PACSIN1: variants seen among roughly 807,000 people sequenced by gnomAD.
The protein encoded by PACSIN1 is protein kinase C and casein kinase substrate in neurons 1, also known as protein kinase C and casein kinase substrate in neurons protein 1.
PACSIN1 carries 15 observed loss-of-function variants against 59.5 expected under a neutral mutation model. The ratio of observed to expected loss-of-function variants is 0.25; its 90% CI spans 0.17 to 0.39. The LOEUF (loss-of-function observed/expected upper bound fraction) is 0.39. Among genes scored for constraint, PACSIN1 ranks in the 10% least tolerant of loss-of-function variants. The pLI, the probability that PACSIN1 is intolerant of heterozygous loss-of-function variation, is 1.00. For synonymous variants in PACSIN1, 210 were observed against 220.6 expected, an observed-to-expected ratio of 0.95 and a Z score of 0.42; for missense variants, 420 against 580.2, an observed-to-expected ratio of 0.72 and a Z score of 2.84.
At chr6:34,492,251 G>T (rs1766889034) in intron 1 of PACSIN1, among the ~76,000 whole-genome samples, 1 of 144,552 alleles carries the variant, frequency 6.9e-6, no homozygotes, top group Non-Finnish European at 1.5e-5. Context: ...GCCCAGGCTG[G>T]AGTGCAGTGA....
chr6:34,471,008 C>T (rs939558278), intron 1 of PACSIN1, among the ~76,000 whole-genome samples: 6 of 152,056 alleles, frequency 3.9e-5, no homozygotes, highest in Non-Finnish European at 8.8e-5. Context: ...TGCAAGGCTG[C>T]GATCTAGGCT....
intron 1 of PACSIN1, among the ~76,000 whole-genome samples, chr6:34,469,079 G>A (rs1766536145): frequency 6.6e-6 from 1 of 151,902 alleles, no homozygotes; most frequent in Admixed American, 6.6e-5. Context: ...AGGTCTGGAA[G>A]GACAGAAGGG....
intron 1 of PACSIN1, among the ~76,000 whole-genome samples, chr6:34,520,926 C>T (rs528402082): frequency 1.1e-3 from 165 of 152,188 alleles, no homozygotes; most frequent in African/African-American, 3.6e-3. Context: ...ATTGGCTGGG[C>T]GCCCACTGTG....
At chr6:34,492,233 A>C (rs1581965545) in intron 1 of PACSIN1, among the ~76,000 whole-genome samples, 2 of 105,366 alleles carry the variant, frequency 1.9e-5, no homozygotes, top group Admixed American at 1.4e-4. Context: ...GCAAAATCTC[A>C]CTCTGTTGCC....
intron 1 of PACSIN1, among the ~76,000 whole-genome samples, chr6:34,477,013 C>T (rs529387106): frequency 6.6e-6 from 1 of 152,338 alleles, no homozygotes; most frequent in South Asian, 2.1e-4. Context: ...CTAGGACCCC[C>T]TCGTTCCCTG....
At chr6:34,506,689 G>A (rs1372463903) in intron 1 of PACSIN1, among the ~76,000 whole-genome samples, 1 of 152,180 alleles carries the variant, frequency 6.6e-6, no homozygotes, top group Middle Eastern at 3.2e-3. Context: ...GTGGGGGTCA[G>A]GGGTGCCTCC....
In PACSIN1 at chr6:34,525,779, C is replaced by G. The variant is rs1333186329; in HGVS notation, c.-63-464C>G. ...CCACCCCAGACGCTCCCATAGATCT[C>G]GGTGGTGTGACCTGTGGGCCAGGAC... On this transcript the variant is annotated intron_variant, in intron 1 of 9. Transcript: ENST00000244458. This position sits in a 1 kb window ranked among gnomAD's most constrained non-coding sequence, Gnocchi z 4.9. Among the ~76,000 whole-genome samples the G allele has an allele frequency of 2.6e-5, 4 of 152,148 alleles. No homozygotes were observed. The highest frequency in any genetic ancestry group is 5.9e-5 in the Non-Finnish European group (4 of 68,020).
rs948575236 is a variant in PACSIN1 at position 34,525,126 on chromosome 6, C to A, written c.-63-1117C>A. On this transcript the variant is annotated intron_variant, in intron 1 of 9. Transcript: ENST00000244458. The surrounding 1 kb of genome is among the most constrained non-coding windows in gnomAD (Gnocchi z 4.9). ...AGAAAAGAAAAATTCAGACTCATTT[C>A]TTTGTCCCTTGATGAAATCCAGCCG... 8.5e-5 allele frequency among the ~76,000 whole-genome samples: 13 copies of A among 152,244 alleles called. No homozygotes were observed. Among genetic ancestry groups the A allele is most frequent in the South Asian group, 2.1e-4 (1 of 4,836 alleles).
At chr6:34,510,746 G>A (rs555176666) in intron 1 of PACSIN1, among the ~76,000 whole-genome samples, 23 of 152,152 alleles carry the variant, frequency 1.5e-4, no homozygotes, top group South Asian at 4.2e-4. Context: ...ACAGAGTCTC[G>A]CTCTCACCTA....
At chr6:34,501,639 C>T (rs1262463447) in intron 1 of PACSIN1, among the ~76,000 whole-genome samples, 1 of 152,154 alleles carries the variant, frequency 6.6e-6, no homozygotes, top group African/African-American at 2.4e-5. Context: ...TTAAAAGTCT[C>T]TTTGATGGTG....
intron 1 of PACSIN1, among the ~76,000 whole-genome samples, chr6:34,490,226 C>CTTTTTT (rs56754772): frequency 5.8e-5 from 6 of 102,710 alleles, no homozygotes; most frequent in African/African-American, 2.1e-4. Flanking sequence ...AATTTAAAAA[C>CTTTTTT]TTTTTTTTTT....
At chr6:34,475,688 C>T (rs4711393) in intron 1 of PACSIN1, among the ~76,000 whole-genome samples, 151,936 of 152,314 alleles carry the variant, frequency 1, 75,782 homozygotes, top group Middle Eastern at 1. Context: ...CTGTGAGCTG[C>T]TAGCAGCCAG....
chr6:34,526,500 G>T, intron 2 of PACSIN1, 132 bp downstream of exon 2: 1 of 683,374 alleles, frequency 1.5e-6, no homozygotes, highest in Admixed American at 2.6e-5. Flanking sequence ...AGCCCTGGGT[G>T]TCCAACAGGC....
intron 1 of PACSIN1, among the ~76,000 whole-genome samples, chr6:34,513,041 A>T (rs891253812): frequency 2.0e-5 from 3 of 152,104 alleles, no homozygotes; most frequent in Non-Finnish European, 4.4e-5. Flanking sequence ...CCACTAGCTC[A>T]TCATCTCCTC....
At chr6:34,475,061 C>T (rs1257401039) in intron 1 of PACSIN1, among the ~76,000 whole-genome samples, 3 of 152,188 alleles carry the variant, frequency 2.0e-5, no homozygotes, top group Non-Finnish European at 2.9e-5. Flanking sequence ...TTATCAAAAA[C>T]AGCCCTCGTT....
intron 1 of PACSIN1, among the ~76,000 whole-genome samples, chr6:34,482,899 C>A (rs1322016257): frequency 6.6e-6 from 1 of 151,618 alleles, no homozygotes. Flanking sequence ...GTTGGCCAGG[C>A]TGGTCTTGAA....
At chr6:34,486,339 C>T (rs982490578) in intron 1 of PACSIN1, among the ~76,000 whole-genome samples, 2 of 152,108 alleles carry the variant, frequency 1.3e-5, no homozygotes, top group Admixed American at 1.3e-4. Context: ...GTGGTTCTCA[C>T]AGCCATGGGG....
At chr6:34,508,899 T>C (rs1554169473) in intron 1 of PACSIN1, among the ~76,000 whole-genome samples, 1 of 152,242 alleles carries the variant, frequency 6.6e-6, no homozygotes, top group Non-Finnish European at 1.5e-5. Flanking sequence ...GAGTTTCTTA[T>C]GTATTTTGGA....
rs1276068027 is a variant in PACSIN1 at position 34,518,316 on chromosome 6, G to A, written c.-63-7927G>A. Among the ~76,000 whole-genome samples, 4 of 152,234 alleles carry A rather than the reference G, an allele frequency of 2.6e-5. No individual in the cohort carries two copies. The highest frequency in any genetic ancestry group is 4.4e-5 in the Non-Finnish European group (3 of 68,034). Reference sequence around the variant, plus strand: ...GAGGCAGCCTGGCCCCTGCTCTCCAGGTGGCCACAGAGGCAGTGGGCTCAG... The same window carrying A: ...GAGGCAGCCTGGCCCCTGCTCTCCAAGTGGCCACAGAGGCAGTGGGCTCAG... On this transcript the variant is annotated intron_variant, in intron 1 of 9. Coordinates refer to ENST00000244458, the MANE Select transcript of PACSIN1 (RefSeq NM_020804.5). The surrounding 1 kb of genome is among the most constrained non-coding windows in gnomAD (Gnocchi z 4.4).
Sources: gnomAD v4.1 joint callset for allele counts (sites outside exome capture counted in the v4.1 genomes callset) on GRCh38, gnomAD v4.1.1 for gene constraint, Gnocchi (gnomAD v3.1) non-coding constraint, MANE v1.5 for transcripts, NCBI Gene and HGNC (gene_info 2026-07-23, HGNC 2026-07-21) for gene names.